Variants in FSIP2 observed in about 807,000 individuals in gnomAD.
FSIP2 encodes the protein fibrous sheath interacting protein 2.
FSIP2 carries 367 observed loss-of-function variants against 510.5 expected under a neutral mutation model. The ratio of observed to expected loss-of-function variants is 0.72; its 90% CI spans 0.66 to 0.78. FSIP2 has a LOEUF of 0.78. Among genes scored for constraint, FSIP2 ranks in the 30% least tolerant of loss-of-function variants. The pLI, the probability that FSIP2 is intolerant of heterozygous loss-of-function variation, is 0.00. For synonymous variants in FSIP2, 2,601 were observed against 2,732.2 expected, an observed-to-expected ratio of 0.95 and a Z score of 1.50; for missense variants, 7,594 against 7,901.7, an observed-to-expected ratio of 0.96 and a Z score of 1.48.
At chr2:185,828,340 C>G in intron 21 of FSIP2, 141 bp downstream of exon 21, 2 of 586,982 alleles carry the variant, frequency 3.4e-6, no homozygotes, top group South Asian at 2.3e-5. Flanking sequence ...TTTCTTACAC[C>G]CTGTTCCCTC....
chr2:185,743,208 C>T lies in FSIP2; in HGVS notation c.301C>T (p.His101Tyr). 6.5e-7 allele frequency: 1 copy of T among 1,529,472 alleles called. No individual in the cohort carries two copies. Among genetic ancestry groups the T allele is most frequent in the Non-Finnish European group, 8.7e-7 (1 of 1,143,398 alleles). 94.7% of individuals were successfully genotyped at this position (1,529,472 alleles called of 1,614,324 possible). Residue 101 changes from histidine to tyrosine, a missense_variant, in exon 3 of 23, where the codon CAT becomes TAT. Coordinates refer to ENST00000424728, the MANE Select transcript of FSIP2 (RefSeq NM_173651.4). ...TTTGGAAAACCAATATAAAAGCCTC[C>T]ATGATCCACATTTAAAAGCATACTA... Reference protein sequence around the residue: ...RLLENQYKSLHDPHLKAYYKR... With the variant: ...RLLENQYKSLYDPHLKAYYKR...
chr2:185,785,723 A>G (rs1055751217), intron 14 of FSIP2, among the ~76,000 whole-genome samples: 18 of 152,154 alleles, frequency 1.2e-4, no homozygotes, highest in African/African-American at 3.9e-4. Flanking sequence ...TTGGTATTAA[A>G]TATAGCTAGA....
intron 20 of FSIP2, 137 bp from the exon 21 acceptor site, chr2:185,828,019 T>C (rs759860716): frequency 6.3e-5 from 36 of 568,088 alleles, no homozygotes; most frequent in Non-Finnish European, 1.1e-4. Flanking sequence ...CTTATACATT[T>C]AAAATAACAA....
chr2:185,828,270 T>C, intron 21 of FSIP2, 71 bp downstream of exon 21: 1 of 847,338 alleles, frequency 1.2e-6, no homozygotes, highest in Non-Finnish European at 2.0e-6. Context: ...TTTTCATAGT[T>C]CAGTCAGGGA....
chr2:185,829,287 T>C (rs1427615241), intron 21 of FSIP2, among the ~76,000 whole-genome samples: 2 of 151,886 alleles, frequency 1.3e-5, no homozygotes, highest in Non-Finnish European at 2.9e-5. Flanking sequence ...AGGCTCCATC[T>C]TATCTCTCTC....
intron 19 of FSIP2, among the ~76,000 whole-genome samples, chr2:185,822,663 C>A (rs73047315): frequency 0.038 from 5,767 of 151,724 alleles, 364 homozygotes; most frequent in African/African-American, 0.13. Flanking sequence ...TCAATGGAAT[C>A]CTTATCAAAA....
chr2:185,756,265 T>C lies in FSIP2; in HGVS notation c.1065T>C (p.Tyr355=). 8.1e-7 allele frequency: 1 copy of C among 1,237,626 alleles called. No homozygotes were observed. 76.7% of individuals were successfully genotyped at this position (1,237,626 alleles called of 1,614,324 possible). Residue 355 remains tyrosine, a synonymous_variant, in exon 9 of 23, where the codon TAT becomes TAC. Coordinates refer to ENST00000424728, the MANE Select transcript of FSIP2 (RefSeq NM_173651.4). ...ATCCTGCTGGAGACCAGAATACATATAAAGAAACACATGGTAATTGAATAT... is the reference window on the plus strand; with the variant it reads ...ATCCTGCTGGAGACCAGAATACATACAAAGAAACACATGGTAATTGAATAT... ...LVYPAGDQNT[Y]KETHGHTANA...
intron 13 of FSIP2, among the ~76,000 whole-genome samples, chr2:185,768,096 T>C (rs1692531789): frequency 1.3e-5 from 2 of 152,236 alleles, no homozygotes; most frequent in Admixed American, 6.5e-5. Context: ...ATTATGGTTT[T>C]GATTGTATTT....
At chr2:185,774,584 T>C (rs1171453396) in intron 13 of FSIP2, among the ~76,000 whole-genome samples, 1 of 32,860 alleles carries the variant, frequency 3.0e-5, no homozygotes, top group East Asian at 7.2e-4. Context: ...AAGCAGGATT[T>C]TTTTTTTTTA....
chr2:185,769,655 G>T (rs1447271220), intron 13 of FSIP2, among the ~76,000 whole-genome samples: 2 of 152,074 alleles, frequency 1.3e-5, no homozygotes, highest in Non-Finnish European at 2.9e-5. Flanking sequence ...TTTTGCCTTT[G>T]TTGCAATTGC....
intron 16 of FSIP2, among the ~76,000 whole-genome samples, chr2:185,798,358 A>G (rs1693349161): frequency 6.6e-6 from 1 of 151,814 alleles, no homozygotes; most frequent in African/African-American, 2.4e-5. Flanking sequence ...TAATACTCCA[A>G]CTGTATCATT....
chr2:185,804,007 A>G lies in FSIP2; in HGVS notation c.14701A>G (p.Lys4901Glu). 1 of 1,498,532 alleles carries G rather than the reference A, an allele frequency of 6.7e-7. No individual in the cohort carries two copies. Among genetic ancestry groups the G allele is most frequent in the Non-Finnish European group, 8.9e-7 (1 of 1,128,830 alleles). The allele number at this position is 1,498,532 out of a possible 1,614,324, so 92.8% of individuals were successfully genotyped here. ...TTCAAAAATAGCGAGTTTTATAATAAAAGAAATCTTTAACCATCATATTCA... is the reference window on the plus strand; with the variant it reads ...TTCAAAAATAGCGAGTTTTATAATAGAAGAAATCTTTAACCATCATATTCA... ...PVSKIASFII[K>E]EIFNHHIQSF... The change falls in exon 17 of 23, where the codon AAA (lysine) becomes GAA (glutamate). Residue 4901 changes from lysine to glutamate, a missense_variant. Lys to Glu is a moderately conservative substitution (Grantham distance 56, BLOSUM62 1). Transcript: ENST00000424728.
intron 19 of FSIP2, among the ~76,000 whole-genome samples, chr2:185,819,726 T>G (rs1305108897): frequency 6.6e-6 from 1 of 151,930 alleles, no homozygotes; most frequent in Non-Finnish European, 1.5e-5. Context: ...ATACTTTGTG[T>G]TAGATGATTT....
intron 9 of FSIP2, among the ~76,000 whole-genome samples, chr2:185,757,338 G>T (rs2105550491): frequency 6.6e-6 from 1 of 151,458 alleles, no homozygotes; most frequent in Non-Finnish European, 1.5e-5. Context: ...CGTGACAATT[G>T]TCTGGAGAAC....
In FSIP2 at chr2:185,831,861, C is replaced by T; in HGVS notation, c.20566C>T (p.Pro6856Ser). ...RSKDVLGSAN[P>S]SKEVISETPK... ...CAAGGATGTTCTTGGCAGTGCAAAT[C>T]CCTCAAAGGAAGTCATTTCAGGTAC... The change falls in exon 22 of 23, where the codon CCC (proline) becomes TCC (serine). Residue 6856 changes from proline (P) to serine (S), a missense_variant. Physicochemically the swap from Pro to Ser is moderately conservative, Grantham distance 74 (BLOSUM62 -1). Coordinates refer to ENST00000424728, the MANE Select transcript of FSIP2 (RefSeq NM_173651.4). 6.2e-7 allele frequency: 1 copy of T among 1,604,916 alleles called. No individual in the cohort carries two copies. Among genetic ancestry groups the T allele is most frequent in the Non-Finnish European group, 8.5e-7 (1 of 1,172,592 alleles).
chr2:185,823,158 TG>T (rs1403823963), intron 19 of FSIP2, among the ~76,000 whole-genome samples: 1 of 151,898 alleles, frequency 6.6e-6, no homozygotes, highest in African/African-American at 2.4e-5. Context: ...AAATTTTTTT[TG>T]TTCTTGTTGT....
Position 185,801,899 on chromosome 2 carries a change from T to C in FSIP2, c.12593T>C (p.Ile4198Thr). 3.3e-6 allele frequency: 5 copies of C among 1,497,616 alleles called. No individual in the cohort carries two copies. The highest frequency in any genetic ancestry group is 4.5e-6 in the Non-Finnish European group (5 of 1,120,556). The allele number at this position is 1,497,616 out of a possible 1,614,324, so 92.8% of individuals were successfully genotyped here. Residue 4198 changes from isoleucine to threonine, a missense_variant, in exon 17 of 23, where the codon ATA (isoleucine) becomes ACA (threonine). Coordinates refer to ENST00000424728, the MANE Select transcript of FSIP2 (RefSeq NM_173651.4). The stretch of plus-strand genomic sequence containing the variant: ...TCAAAACATAAAATCTGGTTCACTA[T>C]ATATGATAATCAATATCTATATACT... The part of the protein sequence containing the change: ...AISKHKIWFT[I>T]YDNQYLYTGK...
intron 2 of FSIP2, among the ~76,000 whole-genome samples, chr2:185,740,777 C>T (rs1289450001): frequency 2.6e-5 from 4 of 151,978 alleles, no homozygotes; most frequent in African/African-American, 9.7e-5. Context: ...CCTGTGGTCT[C>T]TATAGGAACA....
chr2:185,755,294 C>T (rs1692223571), intron 8 of FSIP2, among the ~76,000 whole-genome samples: 1 of 151,538 alleles, frequency 6.6e-6, no homozygotes, highest in Non-Finnish European at 1.5e-5. Context: ...ACTAAGTACA[C>T]GTTTGCTAAA....
Sources: allele counts gnomAD v4.1 joint callset (sites outside exome capture counted in the v4.1 genomes callset), GRCh38; gene constraint gnomAD v4.1.1; transcripts MANE v1.5; gene names NCBI Gene and HGNC (gene_info 2026-07-23, HGNC 2026-07-21).